TTLL13: variants seen among roughly 807,000 people sequenced by gnomAD.
The protein encoded by TTLL13 is tubulin polyglutamylase TTLL13.
At chr15:90,263,194 C>T in the TTLL13 span, 2 of 1,438,946 alleles carry the variant, frequency 1.4e-6, no homozygotes, top group Non-Finnish European at 1.8e-6. Context: ...CAAGGGCTGT[C>T]ATTCCAGGAC....
chr15:90,261,514 C>T, the TTLL13 span, among the ~76,000 whole-genome samples: 5,419 of 151,944 alleles, frequency 0.036, 282 homozygotes, highest in African/African-American at 0.12. Flanking sequence ...AAAATCAGGC[C>T]GAGTACGGTG....
chr15:90,255,141 C>T, the TTLL13 span, among the ~76,000 whole-genome samples: 314 of 152,320 alleles, frequency 2.1e-3, 2 homozygotes, highest in African/African-American at 6.5e-3. Flanking sequence ...TCTTTTCCAA[C>T]GGAAAGATTC....
the TTLL13 span, chr15:90,265,202 C>G: frequency 7.4e-7 from 1 of 1,346,932 alleles, no homozygotes; most frequent in Non-Finnish European, 9.6e-7. Context: ...GCCATGTACT[C>G]ATTTCTGCTC....
At chr15:90,259,463 C>T in the TTLL13 span, among the ~76,000 whole-genome samples, 1 of 152,126 alleles carries the variant, frequency 6.6e-6, no homozygotes, top group Non-Finnish European at 1.5e-5. Context: ...TTCTCCTCCC[C>T]TTCTCCTCCA....
chr15:90,262,873 G>T, the TTLL13 span: 1 of 1,369,454 alleles, frequency 7.3e-7, no homozygotes, highest in Non-Finnish European at 9.7e-7. Flanking sequence ...GAAGGGATGA[G>T]GGTAGAGTGG....
the TTLL13 span, among the ~76,000 whole-genome samples, chr15:90,260,370 G>A: frequency 3.1e-4 from 47 of 152,170 alleles, no homozygotes; most frequent in Admixed American, 2.0e-4. Flanking sequence ...AATGGTGCGC[G>A]CCTATGGTCC....
the TTLL13 span, chr15:90,253,239 G>A: frequency 1.2e-6 from 2 of 1,606,230 alleles, no homozygotes; most frequent in Non-Finnish European, 1.7e-6. Flanking sequence ...TGATCTCCCT[G>A]TCTCTGCAGT....
the TTLL13 span, among the ~76,000 whole-genome samples, chr15:90,256,617 C>T: frequency 1.3e-3 from 74 of 57,710 alleles, 1 homozygote; most frequent in East Asian, 6.8e-3. Flanking sequence ...TTCCTTCCTT[C>T]CTTCCTTCCT....
At chr15:90,250,433 A>T in the TTLL13 span, among the ~76,000 whole-genome samples, 41,905 of 151,850 alleles carry the variant, frequency 0.28, 6,672 homozygotes, top group East Asian at 0.69. Flanking sequence ...GGTGTCTTCC[A>T]CCCCCATGCA....
chr15:90,258,931 T>TTA, the TTLL13 span: 2 of 1,614,152 alleles, frequency 1.2e-6, no homozygotes, highest in Non-Finnish European at 1.7e-6. Context: ...AATCTAGGTG[T>TTA]GCTAGGTGTC....
the TTLL13 span, chr15:90,253,312 A>G: frequency 6.2e-7 from 1 of 1,613,678 alleles, no homozygotes; most frequent in Non-Finnish European, 8.5e-7. Flanking sequence ...TGGACTCTGT[A>G]CTGGACAGAC....
chr15:90,262,020 A>G, the TTLL13 span: 1 of 1,534,030 alleles, frequency 6.5e-7, no homozygotes, highest in Non-Finnish European at 8.7e-7. Context: ...GAAAAAACTG[A>G]GTCATCCCAT....
the TTLL13 span, chr15:90,263,955 C>A: frequency 6.5e-7 from 1 of 1,535,486 alleles, no homozygotes; most frequent in Non-Finnish European, 8.7e-7. Context: ...AGCCCAAGAA[C>A]TTCAACTGGA....
At chr15:90,251,114 CTTTTT>C in the TTLL13 span, among the ~76,000 whole-genome samples, 1 of 104,668 alleles carries the variant, frequency 9.6e-6, no homozygotes, top group Non-Finnish European at 1.8e-5. Flanking sequence ...CCTGGTCTGT[CTTTTT>C]TTTTTTTTTT....
chr15:90,250,937 A>C, the TTLL13 span: 2 of 1,585,730 alleles, frequency 1.3e-6, no homozygotes, highest in South Asian at 1.1e-5. Context: ...GGAGTCACCC[A>C]TTGGCCTCCC....
the TTLL13 span, among the ~76,000 whole-genome samples, chr15:90,253,914 T>C: frequency 6.6e-6 from 1 of 152,212 alleles, no homozygotes; most frequent in Non-Finnish European, 1.5e-5. Flanking sequence ...GGCTTATTCT[T>C]TGGGGAAGCC....
the TTLL13 span, among the ~76,000 whole-genome samples, chr15:90,259,869 T>C: frequency 1.3e-5 from 2 of 152,248 alleles, no homozygotes; most frequent in Admixed American, 6.5e-5. Context: ...GATACTAAAA[T>C]TGTAATTTGT....
At chr15:90,262,219 C>A in the TTLL13 span, 2 of 1,504,156 alleles carry the variant, frequency 1.3e-6, no homozygotes, top group South Asian at 1.3e-5. Flanking sequence ...CTCCTCTGCA[C>A]ACCTAGGTGG....
At chr15:90,259,812 T>C in the TTLL13 span, among the ~76,000 whole-genome samples, 1 of 152,226 alleles carries the variant, frequency 6.6e-6, no homozygotes, top group South Asian at 2.1e-4. Flanking sequence ...GGTCACCCAT[T>C]GTTGTTTTCT....
Sources: allele counts gnomAD v4.1 joint callset (sites outside exome capture counted in the v4.1 genomes callset), GRCh38; gene constraint gnomAD v4.1.1; transcripts MANE v1.5; gene names NCBI Gene and HGNC (gene_info 2026-07-23, HGNC 2026-07-21).